NAV2: variants seen among roughly 807,000 people sequenced by gnomAD.
The protein encoded by NAV2 is helicase, APC down-regulated 1.
Under a neutral mutation model 223.2 loss-of-function variants are expected in NAV2, and 54 were observed. That is an observed-to-expected ratio of 0.24 (90% CI 0.19 to 0.30). The LOEUF is 0.30. NAV2 is among the 10% of genes least tolerant of loss of function. The probability of loss-of-function intolerance (pLI) is 1.00; values close to 1 mark genes in which losing one functional copy is unlikely to be tolerated. For missense variants in NAV2, 2,806 were observed against 3,147.5 expected, an observed-to-expected ratio of 0.89 and a Z score of 2.60; for synonymous variants, 1,279 against 1,239.3, an observed-to-expected ratio of 1.03 and a Z score of -0.67.
chr11:19,948,876 T>A lies in NAV2; in HGVS notation c.2441T>A (p.Ile814Asn). 6.2e-7 allele frequency: 1 copy of A among 1,614,010 alleles called. No individual in the cohort carries two copies. Among genetic ancestry groups the A allele is most frequent in the South Asian group, 1.1e-5 (1 of 91,066 alleles). ...CCTCGAGCCAACGCCAGCAGGTTCA[T>A]CAACACTGAGTCAGGTCGCTATGTG... ...YPPRANASRF[I>N]NTESGRYVYS... The change falls in exon 10 of 38, where the codon ATC (isoleucine) becomes AAC (asparagine). Residue 814 changes from isoleucine to asparagine, a missense_variant. Around this residue, in one of 4 missense-constraint regions of NAV2, gnomAD observed 1,167 missense variants for 1,180.5 expected, o/e 0.99. Transcript: ENST00000349880.
chr11:19,956,396 G>C (rs7942790), intron 10 of NAV2, among the ~76,000 whole-genome samples: 1 of 148,850 alleles, frequency 6.7e-6, no homozygotes, highest in Non-Finnish European at 1.5e-5. Flanking sequence ...ACACACACAC[G>C]CTCTCTCTCT....
intron 1 of NAV2, among the ~76,000 whole-genome samples, chr11:19,513,289 G>GT (rs772023003): frequency 1.3e-5 from 2 of 152,230 alleles, no homozygotes; most frequent in African/African-American, 4.8e-5. Flanking sequence ...ACCCACAGGT[G>GT]TTGAAAAGCA....
chr11:19,900,930 C>T (rs1591148626), intron 6 of NAV2, among the ~76,000 whole-genome samples: 1 of 152,156 alleles, frequency 6.6e-6, no homozygotes, highest in Non-Finnish European at 1.5e-5. Flanking sequence ...CTCAGAGATT[C>T]AGTTGATTTA....
chr11:19,405,630 A>G (rs1355348993), intron 1 of NAV2, among the ~76,000 whole-genome samples: 1 of 152,248 alleles, frequency 6.6e-6, no homozygotes, highest in African/African-American at 2.4e-5. Context: ...AGTTTGACAC[A>G]GTGAGATTCA....
chr11:19,650,927 A>G (rs1462322145), intron 1 of NAV2, among the ~76,000 whole-genome samples: 1 of 152,246 alleles, frequency 6.6e-6, no homozygotes, highest in East Asian at 1.9e-4. Context: ...ATAGAAATGT[A>G]TATATCTGAG....
At chr11:19,462,630 C>G (rs1469105944) in intron 1 of NAV2, among the ~76,000 whole-genome samples, 1 of 152,216 alleles carries the variant, frequency 6.6e-6, no homozygotes, top group Non-Finnish European at 1.5e-5. Context: ...CTGGAGCTTA[C>G]AAGGCCAAAG....
chr11:19,401,706 C>T (rs1406919348), intron 1 of NAV2, among the ~76,000 whole-genome samples: 9 of 152,144 alleles, frequency 5.9e-5, no homozygotes, highest in South Asian at 2.1e-4. Flanking sequence ...TTCTTCTGAG[C>T]GTGAGCATGT....
intron 1 of NAV2, among the ~76,000 whole-genome samples, chr11:19,569,004 G>A (rs1357945411): frequency 6.6e-6 from 1 of 152,170 alleles, no homozygotes; most frequent in Non-Finnish European, 1.5e-5. Flanking sequence ...AGAATGCTTG[G>A]GCCCAGCACT....
chr11:19,364,487 C>A (rs1297524917), intron 1 of NAV2, among the ~76,000 whole-genome samples: 2 of 152,204 alleles, frequency 1.3e-5, no homozygotes, highest in Non-Finnish European at 2.9e-5. Context: ...GTTCTGAAAG[C>A]AGCCAGTGTC....
intron 1 of NAV2, among the ~76,000 whole-genome samples, chr11:19,445,175 C>G (rs540997636): frequency 6.6e-6 from 1 of 152,180 alleles, no homozygotes; most frequent in African/African-American, 2.4e-5. Context: ...GCAAAACAGA[C>G]AGTCAAACAC....
chr11:19,684,843 G>A (rs1226455879), intron 1 of NAV2, among the ~76,000 whole-genome samples: 4 of 152,208 alleles, frequency 2.6e-5, no homozygotes, highest in African/African-American at 9.6e-5. Flanking sequence ...ACATCCCTAT[G>A]GGCTCAAGAG....
chr11:19,529,542 T>C (rs908163207), intron 1 of NAV2, among the ~76,000 whole-genome samples: 6 of 152,220 alleles, frequency 3.9e-5, no homozygotes, highest in Non-Finnish European at 7.3e-5. Context: ...TTGGAGCCCT[T>C]ACCCGAATGG....
intron 11 of NAV2, among the ~76,000 whole-genome samples, chr11:20,007,988 G>A (rs1221397031): frequency 1.3e-5 from 2 of 152,242 alleles, no homozygotes; most frequent in African/African-American, 4.8e-5. Flanking sequence ...TAGAAATCTT[G>A]TGAGACTGGT....
Position 19,997,895 on chromosome 11 carries a change from C to G in NAV2, c.2768+13648C>G, listed in dbSNP as rs577990012. On this transcript the variant is annotated intron_variant, in intron 11 of 37. Transcript: ENST00000349880. Reference sequence around the variant, plus strand: ...GGCTATAGCCCTGCCTTCCACACTCCTCCCTCCACCCCAGGTAGGATCCTC... The same window carrying G: ...GGCTATAGCCCTGCCTTCCACACTCGTCCCTCCACCCCAGGTAGGATCCTC... Among the ~76,000 whole-genome samples, 33 of 152,232 alleles carry G rather than the reference C, an allele frequency of 2.2e-4. 1 individual carries two copies. The highest frequency in any genetic ancestry group is 4.1e-4 in the Non-Finnish European group (28 of 68,010).
chr11:19,752,256 T>C (rs1425231), intron 1 of NAV2, among the ~76,000 whole-genome samples: 143,256 of 152,220 alleles, frequency 0.94, 67,960 homozygotes, highest in East Asian at 1. Context: ...CAGCCAGCAA[T>C]GGGAGAAGCT....
intron 12 of NAV2, among the ~76,000 whole-genome samples, chr11:20,040,975 T>G (rs1391806917): frequency 6.6e-6 from 1 of 152,096 alleles, no homozygotes; most frequent in Non-Finnish European, 1.5e-5. Context: ...ATGTGATGGC[T>G]GGATGATTGT....
At chr11:19,737,892 C>T (rs2152443037) in intron 1 of NAV2, among the ~76,000 whole-genome samples, 1 of 152,262 alleles carries the variant, frequency 6.6e-6, no homozygotes, top group East Asian at 1.9e-4. Context: ...GATGGTGAAA[C>T]CACTGACAAT....
At chr11:19,538,688 G>A (rs1265351783) in intron 1 of NAV2, among the ~76,000 whole-genome samples, 1 of 150,658 alleles carries the variant, frequency 6.6e-6, no homozygotes. Flanking sequence ...TTTTTTTTAT[G>A]CTTTAGTGTC....
intron 1 of NAV2, among the ~76,000 whole-genome samples, chr11:19,471,695 G>A (rs1314976430): frequency 6.6e-6 from 1 of 152,178 alleles, no homozygotes; most frequent in African/African-American, 2.4e-5. Flanking sequence ...CTTATTAGGT[G>A]TTCATTTTTG....
Sources: allele counts gnomAD v4.1 joint callset (sites outside exome capture counted in the v4.1 genomes callset), GRCh38; gene constraint gnomAD v4.1.1; regional missense constraint gnomAD v4.1.1; transcripts MANE v1.5; gene names NCBI Gene and HGNC (gene_info 2026-07-23, HGNC 2026-07-21).